The following CACTIN variants were observed in gnomAD, a reference collection of about 807,000 sequenced individuals.
CACTIN encodes the protein cactin, spliceosome C complex subunit, also known as splicing factor Cactin.
Under a neutral mutation model 84.9 loss-of-function variants are expected in CACTIN, and 20 were observed. That is an observed-to-expected ratio of 0.24 (90% CI 0.17 to 0.34). CACTIN has a LOEUF of 0.34. CACTIN is among the 10% of genes least tolerant of loss of function. The pLI is 1.00. For synonymous variants in CACTIN, 549 were observed against 467.9 expected (o/e 1.17, Z -2.24); for missense variants, 897 against 1,117.2 (o/e 0.80, Z 2.81).
chr19:3,614,346 A>G, intron 7 of CACTIN, 51 bp downstream of exon 7: 1 of 1,532,314 alleles, frequency 6.5e-7, no homozygotes, highest in Non-Finnish European at 8.8e-7. Flanking sequence ...AGGGGGCGAA[A>G]CCCATCCCAC....
intron 1 of CACTIN, among the ~76,000 whole-genome samples, chr19:3,625,260 T>C (rs542122087): frequency 6.6e-6 from 1 of 152,322 alleles, no homozygotes; most frequent in South Asian, 2.1e-4. Flanking sequence ...ATTAAGCTCA[T>C]GTCAAAAAAA....
chr19:3,623,928 C>T lies in CACTIN; in HGVS notation c.402G>A (p.Leu134=), dbSNP rs1599895839. ...GCTCCTGCAGGCTCTGCTGCTGGCT[C>T]AGGGCAGCCGCGGCCGCCCGGGGGC... ...SQSPRAAAAA[L]SQQQSLQERL... is the part of the protein sequence containing the mutation. The change falls in exon 2 of 10, where the codon CTG becomes CTA. Residue 134 remains leucine, a synonymous_variant. Transcript: ENST00000429344. The T allele has an allele frequency of 1.2e-6, 2 of 1,605,064 alleles. No individual in the cohort carries two copies. The highest frequency in any genetic ancestry group is 1.7e-6 in the Non-Finnish European group (2 of 1,179,238).
Position 3,620,754 on chromosome 19 carries a change from C to T in CACTIN, c.691G>A (p.Glu231Lys), listed in dbSNP as rs2033206429. 4.3e-6 allele frequency: 7 copies of T among 1,613,594 alleles called. No individual in the cohort carries two copies. The highest frequency in any genetic ancestry group is 5.9e-6 in the Non-Finnish European group (7 of 1,179,904). Residue 231 changes from glutamate (E) to lysine (K), a missense_variant, in exon 3 of 10, where the codon GAG (glutamate) becomes AAG (lysine). By Grantham distance (56) the Glu-to-Lys change is moderately conservative. Coordinates refer to ENST00000429344, the MANE Select transcript of CACTIN (RefSeq NM_001080543.2). ...ISHLEEKELK[E>K]RNKRIQEDNR... Reference sequence around the variant, plus strand: ...TCCTCCTGGATCCTCTTGTTCCGCTCCTTCAGCTCCTTCTCCTCCAGGTGG... The same window carrying T: ...TCCTCCTGGATCCTCTTGTTCCGCTTCTTCAGCTCCTTCTCCTCCAGGTGG...
chr19:3,623,191 C>T (rs1245120291), intron 2 of CACTIN, among the ~76,000 whole-genome samples: 3 of 152,090 alleles, frequency 2.0e-5, no homozygotes, highest in Admixed American at 1.3e-4. Context: ...GCCACGATCA[C>T]GCCACTGCAC....
At chr19:3,614,362 C>T (rs372405864) in intron 7 of CACTIN, 35 bp downstream of exon 7, 181 of 1,546,406 alleles carry the variant, frequency 1.2e-4, no homozygotes, top group Non-Finnish European at 1.5e-4. Context: ...CCCACCCGGA[C>T]GGCACCAACC....
intron 6 of CACTIN, among the ~76,000 whole-genome samples, chr19:3,617,019 GCT>G (rs1432123232): frequency 6.6e-6 from 1 of 152,196 alleles, no homozygotes; most frequent in Non-Finnish European, 1.5e-5. Flanking sequence ...TACTTGGGCA[GCT>G]GAGGCAGGAG....
At position 3,613,585 on chromosome 19, in the gene CACTIN, G is replaced by A. The variant is rs2033029599; in HGVS notation, c.1357C>T (p.Leu453=). 4.4e-6 allele frequency: 7 copies of A among 1,600,154 alleles called. No homozygotes were observed. The highest frequency in any genetic ancestry group is 5.9e-6 in the Non-Finnish European group (7 of 1,178,506). The change falls in exon 8 of 10, where the codon CTG becomes TTG. Residue 453 remains leucine (L), a splice_region_variant and synonymous_variant. Coordinates refer to ENST00000429344, the MANE Select transcript of CACTIN (RefSeq NM_001080543.2). ...AGCACGTCCTGGTGGCGCTCACGCAGCCTGGGACGCAGAGCCGGGGTCACC... is the reference window on the plus strand; with the variant it reads ...AGCACGTCCTGGTGGCGCTCACGCAACCTGGGACGCAGAGCCGGGGTCACC... ...QLRAHMARAR[L]RERHQDVLRQ... is the part of the protein sequence containing the mutation.
intron 4 of CACTIN, 142 bp downstream of exon 4, chr19:3,619,984 CG>C: frequency 1.0e-6 from 1 of 993,794 alleles, no homozygotes. Flanking sequence ...CCTTGCCGCC[CG>C]GGAAGGGGTC....
At position 3,610,736 on chromosome 19, in the gene CACTIN, A is replaced by G. The variant is rs141943458; in HGVS notation, c.*1187T>C. Reference sequence around the variant, plus strand: ...CAAAAGATTTTTTTTCCCACCTACAAGTCTTTTTAGAGAAACAAACGGAAC... The same window carrying G: ...CAAAAGATTTTTTTTCCCACCTACAGGTCTTTTTAGAGAAACAAACGGAAC... On this transcript the variant is annotated 3_prime_UTR_variant, in exon 10 of 10. Coordinates refer to ENST00000429344, the MANE Select transcript of CACTIN (RefSeq NM_001080543.2). The G allele has an allele frequency of 7.8e-4, 358 of 456,946 alleles. 2 individuals are homozygous for G. Among genetic ancestry groups the G allele is most frequent in the African/African-American group, 6.7e-3 (336 of 50,154 alleles). The allele number at this position is 456,946 out of a possible 1,614,324, so 28.3% of individuals were successfully genotyped here.
At position 3,615,942 on chromosome 19, in the gene CACTIN, CG is replaced by C. The variant is rs1310020433; in HGVS notation, c.1163-1354del. The C allele has an allele frequency of 6.6e-6, 1 of 152,058 alleles. No individual in the cohort carries two copies. The highest frequency in any genetic ancestry group is 1.5e-5 in the Non-Finnish European group (1 of 68,006). 9.4% of individuals were successfully genotyped at this position (152,058 alleles called of 1,614,324 possible). A position where few individuals can be genotyped will look rare whatever the true frequency, so the allele number is the denominator to read the frequency against. On this transcript the variant is annotated intron_variant, in intron 6 of 9. Coordinates refer to ENST00000429344, the MANE Select transcript of CACTIN (RefSeq NM_001080543.2). The surrounding 1 kb of genome is among the most constrained non-coding windows in gnomAD (Gnocchi z 5.2). ...CACAGCGCGGCCGTGCCCAGACAGG[CG>C]GGGCTACCACGAACACTGAAACCCA... is the stretch of plus-strand genomic sequence containing the variant.
chr19:3,613,730 G>T (rs2033036270), intron 7 of CACTIN, 144 bp from the exon 8 acceptor site: 2 of 1,240,362 alleles, frequency 1.6e-6, no homozygotes, highest in Non-Finnish European at 2.2e-6. Context: ...CTTTGCCCAG[G>T]CTTGGTCAGT....
At chr19:3,621,872 G>A (rs915419284) in intron 2 of CACTIN, among the ~76,000 whole-genome samples, 1 of 152,200 alleles carries the variant, frequency 6.6e-6, no homozygotes, top group East Asian at 1.9e-4. Context: ...AGCTCGTTGT[G>A]TTCTCAGACG....
chr19:3,626,327 T>C (rs2033330724), intron 1 of CACTIN, among the ~76,000 whole-genome samples: 1 of 152,252 alleles, frequency 6.6e-6, no homozygotes. Flanking sequence ...GGGCTCGATA[T>C]GATATGATCT....
rs773244712 is a variant in CACTIN at position 3,614,541 on chromosome 19, G to A, written c.1211C>T (p.Ser404Leu). The A allele has an allele frequency of 9.3e-6, 15 of 1,609,074 alleles. No homozygotes were observed. The African/African-American group carries it at 9.4e-5, about 10-fold the overall frequency. Residue 404 changes from serine (S) to leucine (L), a missense_variant, in exon 7 of 10, where the codon TCG (serine) becomes TTG (leucine). Physicochemically the swap from Ser to Leu is moderately radical, Grantham distance 145. Around this residue, in one of 8 missense-constraint regions of CACTIN, gnomAD observed 304 missense variants for 444.3 expected, o/e 0.68. Coordinates refer to ENST00000429344, the MANE Select transcript of CACTIN (RefSeq NM_001080543.2). ...VNASVSSDVQ[S>L]VFKGKTYNQL... ...GTTGTATGTCTTCCCCTTGAACACC[G>A]ACTGCACATCAGAGCTGACGGAGGC...
chr19:3,618,739 G>A, intron 6 of CACTIN, 136 bp downstream of exon 6: 2 of 701,230 alleles, frequency 2.9e-6, no homozygotes, highest in Non-Finnish European at 4.7e-6. Context: ...TGGTGGCTCG[G>A]CCCAGAAGGG....
At chr19:3,618,626 C>A (rs2033157297) in intron 6 of CACTIN, among the ~76,000 whole-genome samples, 1 of 152,230 alleles carries the variant, frequency 6.6e-6, no homozygotes, top group Non-Finnish European at 1.5e-5. Context: ...ACCGCCGAGT[C>A]AGCGTTAACG....
At chr19:3,626,449 TC>T in intron 1 of CACTIN, 146 bp downstream of exon 1, 5 of 981,276 alleles carry the variant, frequency 5.1e-6, no homozygotes, top group Non-Finnish European at 6.8e-6. Flanking sequence ...CCAGGTTAAT[TC>T]CAACCGGTGG....
chr19:3,614,775 G>C, intron 6 of CACTIN, 186 bp from the exon 7 acceptor site: 4 of 613,678 alleles, frequency 6.5e-6, no homozygotes, highest in Non-Finnish European at 1.2e-5. Flanking sequence ...CGGAGGGGAG[G>C]GGGTGGGCGG....
At position 3,626,786 on chromosome 19, in the gene CACTIN, C is replaced by G. The variant is rs746358765; in HGVS notation, c.-24G>C. On this transcript the variant is annotated 5_prime_UTR_variant, in exon 1 of 10. Coordinates refer to ENST00000429344, the MANE Select transcript of CACTIN (RefSeq NM_001080543.2). The stretch of plus-strand genomic sequence containing the variant: ...ATCGGCTGGGCCAGTGGCCGCGGCA[C>G]CAACACCAATAGCCGAAGCCTGCGC... 2.2e-6 allele frequency: 3 copies of G among 1,357,192 alleles called. No homozygotes were observed. Among genetic ancestry groups the G allele is most frequent in the African/African-American group, 3.0e-5 (2 of 65,980 alleles). The allele number at this position is 1,357,192 out of a possible 1,614,324, so 84.1% of individuals were successfully genotyped here.
Sources: allele counts gnomAD v4.1 joint callset (sites outside exome capture counted in the v4.1 genomes callset), GRCh38; gene constraint gnomAD v4.1.1; regional missense constraint gnomAD v4.1.1; non-coding constraint Gnocchi (gnomAD v3.1); transcripts MANE v1.5; gene names NCBI Gene and HGNC (gene_info 2026-07-23, HGNC 2026-07-21).